The following LRRC3B variants were observed in gnomAD, a reference collection of about 807,000 sequenced individuals.
LRRC3B encodes leucine rich repeat containing 3B.
In LRRC3B, 2 loss-of-function variants were observed where a neutral mutation model predicts 12.8. That is an observed-to-expected ratio of 0.16 (90% confidence interval 0.06 to 0.49). The LOEUF is 0.49. Ranked by LOEUF, LRRC3B falls within the 20% of genes least tolerant of loss-of-function variation. LRRC3B has a pLI of 0.96. For synonymous variants in LRRC3B, 132 were observed against 122.0 expected (o/e 1.08, Z -0.54); for missense variants, 189 against 319.4 (o/e 0.59, Z 3.11).
At chr3:26,683,349 G>T (rs1700009434) in intron 1 of LRRC3B, among the ~76,000 whole-genome samples, 1 of 152,206 alleles carries the variant, frequency 6.6e-6, no homozygotes, top group Non-Finnish European at 1.5e-5. Flanking sequence ...TGTAGCAGCA[G>T]CTGAAATATC....
chr3:26,683,872 T>C (rs1395096118), intron 1 of LRRC3B, among the ~76,000 whole-genome samples: 1 of 152,220 alleles, frequency 6.6e-6, no homozygotes, highest in Non-Finnish European at 1.5e-5. Flanking sequence ...TGTTCTTACT[T>C]TATAGCACTT....
intron 1 of LRRC3B, among the ~76,000 whole-genome samples, chr3:26,707,421 TTTTTA>T: frequency 6.6e-6 from 1 of 152,102 alleles, no homozygotes; most frequent in South Asian, 2.1e-4. Context: ...CTCAGTGTAC[TTTTTA>T]TTTTTTTAAT....
intron 1 of LRRC3B, among the ~76,000 whole-genome samples, chr3:26,666,643 T>C (rs1400285629): frequency 6.6e-6 from 1 of 152,160 alleles, no homozygotes; most frequent in African/African-American, 2.4e-5. Flanking sequence ...GTTTCCCCTG[T>C]TGTTCACATA....
chr3:26,703,438 G>C (rs779469612), intron 1 of LRRC3B, among the ~76,000 whole-genome samples: 7 of 152,036 alleles, frequency 4.6e-5, no homozygotes, highest in Non-Finnish European at 1.0e-4. Context: ...CTCAAAGGCT[G>C]GCAGAGGAGT....
chr3:26,651,945 C>T lies in LRRC3B; in HGVS notation c.-161+28708C>T, dbSNP rs537891031. Among the ~76,000 whole-genome samples, 4 of 152,250 alleles carry T rather than the reference C, an allele frequency of 2.6e-5. No homozygotes were observed. In the East Asian group the frequency reaches 7.7e-4, roughly 29 times the overall value. On this transcript the variant is annotated intron_variant, in intron 1 of 1. Transcript: ENST00000396641. ...TAGCCACTTTACAGAGGAGAAATGA[C>T]ATCATATCTCATTGGAACTTGCCCA...
rs1461673808 is a variant in LRRC3B, at chr3:26,691,101, G to GTA, written c.-160-18411_-160-18410insAT. Among the ~76,000 whole-genome samples the GTA allele has an allele frequency of 4.1e-3, 185 of 45,658 alleles. 2 individuals carry two copies. Among genetic ancestry groups the GTA allele is most frequent in the African/African-American group, 0.012 (158 of 12,742 alleles). 30.0% of individuals were successfully genotyped at this position (45,658 alleles called of 152,430 possible). On this transcript the variant is annotated intron_variant, in intron 1 of 1. Coordinates refer to ENST00000396641, the Ensembl canonical transcript of LRRC3B. ...TATGTGTGTGTGTATATGTGTGTGT[G>GTA]TGTGTATATATATATATATATATAT...
At chr3:26,685,020 C>T (rs138698108) in intron 1 of LRRC3B, among the ~76,000 whole-genome samples, 2,657 of 152,214 alleles carry the variant, frequency 0.017, 90 homozygotes, top group East Asian at 0.14. Context: ...GTGGTGCGAT[C>T]TCAGCTCACT....
At chr3:26,697,544 T>G (rs1046727020) in intron 1 of LRRC3B, among the ~76,000 whole-genome samples, 1 of 152,194 alleles carries the variant, frequency 6.6e-6, no homozygotes, top group African/African-American at 2.4e-5. Context: ...AAGGTAACAT[T>G]CACAGGTTCC....
At chr3:26,627,809 A>G (rs1297901130) in intron 1 of LRRC3B, among the ~76,000 whole-genome samples, 2 of 152,204 alleles carry the variant, frequency 1.3e-5, no homozygotes, top group Non-Finnish European at 2.9e-5. Context: ...AGGAAGAGCC[A>G]TTCAAAACCA....
At chr3:26,667,141 A>C (rs1575142041) in intron 1 of LRRC3B, among the ~76,000 whole-genome samples, 3 of 139,532 alleles carry the variant, frequency 2.2e-5, no homozygotes, top group African/African-American at 8.4e-5. Context: ...AAAAAGCCTC[A>C]GTTGAGACTG....
intron 1 of LRRC3B, chr3:26,625,299 G>A (rs1033040088): frequency 2.0e-5 from 3 of 152,280 alleles, no homozygotes; most frequent in African/African-American, 4.8e-5. Flanking sequence ...GGGCTCCCGG[G>A]AGAAATCCCG....
intron 1 of LRRC3B, among the ~76,000 whole-genome samples, chr3:26,707,230 T>C (rs931131617): frequency 6.8e-6 from 1 of 146,176 alleles, no homozygotes; most frequent in African/African-American, 2.5e-5. Context: ...CTGGGCGTGG[T>C]GGTGTGTGCC....
chr3:26,661,746 A>C (rs1286320654), intron 1 of LRRC3B, among the ~76,000 whole-genome samples: 2 of 152,150 alleles, frequency 1.3e-5, no homozygotes, highest in African/African-American at 4.8e-5. Context: ...CACTCTCTTG[A>C]ATATGACAAA....
exon 2 of LRRC3B, chr3:26,710,658 G>A: frequency 2.1e-6 from 1 of 471,094 alleles, no homozygotes; most frequent in South Asian, 5.4e-5. Flanking sequence ...TACCCCCGAT[G>A]GTATATTTCT....
At chr3:26,642,646 G>A (rs577983317) in intron 1 of LRRC3B, among the ~76,000 whole-genome samples, 3 of 152,214 alleles carry the variant, frequency 2.0e-5, no homozygotes, top group East Asian at 1.9e-4. Context: ...GCTTTGGCAC[G>A]GTGAAAAGGA....
At chr3:26,695,968 C>T (rs1700305699) in intron 1 of LRRC3B, among the ~76,000 whole-genome samples, 1 of 152,194 alleles carries the variant, frequency 6.6e-6, no homozygotes. Context: ...TGTAACCAAA[C>T]CTTTCTCATT....
In LRRC3B at chr3:26,629,247, CCTTCCTTT is replaced by C. The variant is rs952561452; in HGVS notation, c.-161+6024_-161+6031del. ...CACTCCCTCCCACTCTTCCTCCCTT[CCTTCCTTT>C]CTTCCTTTCTTCCCTTCTTCCTTCC... On this transcript the variant is annotated intron_variant, in intron 1 of 1. Transcript: ENST00000396641. Among the ~76,000 whole-genome samples the C allele has an allele frequency of 2.8e-5, 4 of 145,000 alleles. No individual in the cohort carries two copies. In the South Asian group the frequency reaches 9.7e-4, roughly 35 times the overall value.
At chr3:26,688,818 TC>T (rs572268599) in intron 1 of LRRC3B, among the ~76,000 whole-genome samples, 446 of 152,284 alleles carry the variant, frequency 2.9e-3, no homozygotes, top group Non-Finnish European at 5.2e-3. Context: ...TATCACCATC[TC>T]ACCCCCATAA....
chr3:26,696,554 C>T (rs750175024), intron 1 of LRRC3B, among the ~76,000 whole-genome samples: 20 of 152,246 alleles, frequency 1.3e-4, no homozygotes, highest in Admixed American at 2.6e-4. Context: ...TTCCATTTTG[C>T]GTAGGACTGT....
Sources: allele counts gnomAD v4.1 joint callset (sites outside exome capture counted in the v4.1 genomes callset), GRCh38; gene constraint gnomAD v4.1.1; transcripts MANE v1.5; gene names NCBI Gene and HGNC (gene_info 2026-07-23, HGNC 2026-07-21).